Variants in STK38 observed in about 807,000 individuals in gnomAD.
STK38 encodes the protein serine/threonine kinase 38, also known as serine/threonine-protein kinase 38.
STK38 carries 26 observed loss-of-function variants against 59.0 expected under a neutral mutation model. The observed-to-expected ratio is 0.44, with a 90% confidence interval of 0.32 to 0.61. STK38 has a LOEUF of 0.61. Among genes scored for constraint, STK38 ranks in the 20% least tolerant of loss-of-function variants. The probability of loss-of-function intolerance (pLI) is 0.04; values close to 1 mark genes in which losing one functional copy is unlikely to be tolerated. For missense variants in STK38, 433 were observed against 566.0 expected, an observed-to-expected ratio of 0.76 and a Z score of 2.38; for synonymous variants, 175 against 176.6, an observed-to-expected ratio of 0.99 and a Z score of 0.07.
chr6:36,523,506 C>T (rs1358061865), intron 4 of STK38, among the ~76,000 whole-genome samples: 4 of 150,628 alleles, frequency 2.7e-5, no homozygotes, highest in African/African-American at 2.4e-5. Context: ...GTGATCCGCC[C>T]GCCTTGGCCT....
chr6:36,517,594 A>T lies in STK38; in HGVS notation c.514+123T>A, dbSNP rs56265834. 2,131 of 1,307,932 alleles carry T rather than the reference A, an allele frequency of 1.6e-3. 15 individuals carry two copies. The highest frequency in any genetic ancestry group is 5.1e-3 in the Middle Eastern group (24 of 4,664). 81.0% of individuals were successfully genotyped at this position (1,307,932 alleles called of 1,614,324 possible). A position where few individuals can be genotyped will look rare whatever the true frequency, so the allele number is the denominator to read the frequency against. ...TTACTGACTTCCTTTATAGACCTAA[A>T]AAAGGATATAGAAAGCAACTTTGTG... On this transcript the variant is annotated intron_variant, in intron 6 of 13. Coordinates refer to ENST00000229812, the MANE Select transcript of STK38 (RefSeq NM_007271.4).
chr6:36,533,360 A>C (rs9462193), intron 2 of STK38, among the ~76,000 whole-genome samples: 36,216 of 152,080 alleles, frequency 0.24, 4,558 homozygotes, highest in East Asian at 0.39. Flanking sequence ...GCAACCAAAA[A>C]CAAACATTCT....
chr6:36,515,641 A>T, intron 6 of STK38, 149 bp from the exon 7 acceptor site: 1 of 1,373,952 alleles, frequency 7.3e-7, no homozygotes, highest in Non-Finnish European at 9.6e-7. Context: ...TGTGTGCCAG[A>T]GATAGACCCA....
At chr6:36,513,317 CTTTT>C (rs775876993) in intron 7 of STK38, among the ~76,000 whole-genome samples, 2 of 117,926 alleles carry the variant, frequency 1.7e-5, no homozygotes, top group Non-Finnish European at 3.6e-5. Context: ...TGCGTCTGGC[CTTTT>C]TTTTTTTTTT....
intron 9 of STK38, among the ~76,000 whole-genome samples, chr6:36,504,579 C>CAAA (rs1292976209): frequency 6.6e-6 from 1 of 152,008 alleles, no homozygotes; most frequent in African/African-American, 2.4e-5. Context: ...TGAAGATGAC[C>CAAA]TTAATTTACA....
intron 6 of STK38, among the ~76,000 whole-genome samples, chr6:36,516,749 G>A (rs1208490849): frequency 6.6e-6 from 1 of 152,090 alleles, no homozygotes; most frequent in Non-Finnish European, 1.5e-5. Context: ...GTGCAAGTTT[G>A]CCCAGATGAT....
At chr6:36,515,518 C>CCCCACACACA in intron 6 of STK38, 26 bp from the exon 7 acceptor site, 2 of 1,537,648 alleles carry the variant, frequency 1.3e-6, no homozygotes, top group Non-Finnish European at 1.8e-6. Context: ...TACAAAGCCA[C>CCCCACACACA]CACACACACA....
At chr6:36,530,460 G>A (rs1482117723) in intron 2 of STK38, among the ~76,000 whole-genome samples, 1 of 151,394 alleles carries the variant, frequency 6.6e-6, no homozygotes, top group Admixed American at 6.6e-5. Flanking sequence ...TGCCTCCCGG[G>A]TACAAGTGAT....
chr6:36,500,315 A>C (rs1057088189), intron 9 of STK38, among the ~76,000 whole-genome samples: 7 of 152,166 alleles, frequency 4.6e-5, no homozygotes, highest in African/African-American at 1.7e-4. Flanking sequence ...AGTTTTATAT[A>C]TATATATAAC....
In STK38 at chr6:36,521,721, A is replaced by C. The variant is rs1344861591; in HGVS notation, c.390+13T>G. On this transcript the variant is annotated intron_variant, in intron 5 of 13. Coordinates refer to ENST00000229812, the MANE Select transcript of STK38 (RefSeq NM_007271.4). ...ATTAATAAGCTAAAAGCACTGCTAC[A>C]ACTGTGCTTTACCTGCTCTTTTTCA... 6.3e-7 allele frequency: 1 copy of C among 1,599,350 alleles called. No homozygotes were observed. Among genetic ancestry groups the C allele is most frequent in the African/African-American group, 1.3e-5 (1 of 74,276 alleles).
At chr6:36,524,739 G>A (rs1252625780) in intron 3 of STK38, among the ~76,000 whole-genome samples, 1 of 152,108 alleles carries the variant, frequency 6.6e-6, no homozygotes, top group East Asian at 1.9e-4. Context: ...TAACATTTTT[G>A]GTGAAGGGAG....
chr6:36,510,446 G>GC (rs1318941081), intron 7 of STK38, among the ~76,000 whole-genome samples: 1 of 152,210 alleles, frequency 6.6e-6, no homozygotes, highest in Non-Finnish European at 1.5e-5. Flanking sequence ...AAGCTCATGG[G>GC]CTTCTGGGAT....
intron 2 of STK38, among the ~76,000 whole-genome samples, chr6:36,536,519 TTTTTAA>T (rs1297859842): frequency 1.4e-4 from 22 of 152,180 alleles, no homozygotes; most frequent in African/African-American, 3.6e-4. Context: ...CAAAAAATTT[TTTTTAA>T]TTTTAATTTT....
At chr6:36,512,434 C>G (rs1336170613) in intron 7 of STK38, among the ~76,000 whole-genome samples, 1 of 152,200 alleles carries the variant, frequency 6.6e-6, no homozygotes, top group Non-Finnish European at 1.5e-5. Context: ...CCAACCAGGG[C>G]ATCTGAACTT....
chr6:36,516,201 C>T (rs190517150), intron 6 of STK38, among the ~76,000 whole-genome samples: 3 of 152,204 alleles, frequency 2.0e-5, no homozygotes, highest in Admixed American at 2.0e-4. Context: ...TTTTAAAACA[C>T]AGTATCAGTA....
chr6:36,531,874 T>A (rs1302685795), intron 2 of STK38, among the ~76,000 whole-genome samples: 2 of 152,190 alleles, frequency 1.3e-5, no homozygotes, highest in Non-Finnish European at 2.9e-5. Context: ...CAGTAAGCCC[T>A]TTGTTTCAAC....
chr6:36,515,948 C>T (rs1412221174), intron 6 of STK38, among the ~76,000 whole-genome samples: 1 of 152,278 alleles, frequency 6.6e-6, no homozygotes, highest in South Asian at 2.1e-4. Context: ...TGTAAACACT[C>T]GGGCAGGCTG....
At chr6:36,521,486 C>A (rs1777374562) in intron 5 of STK38, among the ~76,000 whole-genome samples, 1 of 151,530 alleles carries the variant, frequency 6.6e-6, no homozygotes, top group Non-Finnish European at 1.5e-5. Flanking sequence ...TTGGAAGACA[C>A]AAGTAAGAGC....
At position 36,533,841 on chromosome 6, in the gene STK38, A is replaced by G. The variant is rs137947051; in HGVS notation, c.131+6231T>C. Among the ~76,000 whole-genome samples, 597 of 152,332 alleles carry G rather than the reference A, an allele frequency of 3.9e-3. 5 individuals carry two copies. Among genetic ancestry groups the G allele is most frequent in the African/African-American group, 0.013 (553 of 41,568 alleles). ...CTGTCTCCACAGGTTTCACCTGCCTAAAGATATTCTGAACAGATTTACGTT... is the reference window on the plus strand; with the variant it reads ...CTGTCTCCACAGGTTTCACCTGCCTGAAGATATTCTGAACAGATTTACGTT... On this transcript the variant is annotated intron_variant, in intron 2 of 13. Transcript: ENST00000229812.
Sources: gnomAD v4.1 joint callset for allele counts (sites outside exome capture counted in the v4.1 genomes callset) on GRCh38, gnomAD v4.1.1 for gene constraint, MANE v1.5 for transcripts, NCBI Gene and HGNC (gene_info 2026-07-23, HGNC 2026-07-21) for gene names.